Variants in RANBP2 observed in about 807,000 individuals in gnomAD.
RANBP2 encodes the protein RAN binding protein 2.
Under a neutral mutation model 303.6 loss-of-function variants are expected in RANBP2, and 57 were observed. The observed-to-expected ratio is 0.19, with a 90% CI of 0.15 to 0.23. The LOEUF (loss-of-function observed/expected upper bound fraction) is 0.23. Ranked by LOEUF, RANBP2 falls within the 10% of genes least tolerant of loss-of-function variation. The pLI is 1.00. For synonymous variants in RANBP2, 1,167 were observed against 1,301.5 expected (o/e 0.90, Z 2.23); for missense variants, 3,138 against 3,780.8 (o/e 0.83, Z 4.46).
chr2:109,388,447 C>T, the RANBP2 span, among the ~76,000 whole-genome samples: 6 of 152,194 alleles, frequency 3.9e-5, no homozygotes, highest in Non-Finnish European at 8.8e-5. Flanking sequence ...GAGGCTTGGA[C>T]TCATGCAAGA....
the RANBP2 span, among the ~76,000 whole-genome samples, chr2:109,384,744 C>A: frequency 1.3e-5 from 2 of 152,070 alleles, no homozygotes; most frequent in African/African-American, 2.4e-5. Context: ...GTGGAGGGAG[C>A]CTTCTAGACT....
the RANBP2 span, among the ~76,000 whole-genome samples, chr2:108,858,521 CTT>C: frequency 6.6e-6 from 1 of 152,122 alleles, no homozygotes; most frequent in Non-Finnish European, 1.5e-5. Context: ...AGAGCATTTA[CTT>C]GCTTGAATTT....
chr2:108,891,350 T>C, the RANBP2 span, among the ~76,000 whole-genome samples: 1 of 152,218 alleles, frequency 6.6e-6, no homozygotes. Flanking sequence ...AAGATATATC[T>C]ATGGTTTTGG....
At chr2:109,716,148 G>A in the RANBP2 span, among the ~76,000 whole-genome samples, 1 of 152,158 alleles carries the variant, frequency 6.6e-6, no homozygotes, top group African/African-American at 2.4e-5. Flanking sequence ...ACAAGAGAAA[G>A]GGAGTAGGTA....
chr2:109,259,843 T>G, the RANBP2 span, among the ~76,000 whole-genome samples: 2 of 152,272 alleles, frequency 1.3e-5, no homozygotes, highest in South Asian at 2.1e-4. Flanking sequence ...GAGCATCTGG[T>G]GTTTGGACAG....
At chr2:109,690,700 C>A in the RANBP2 span, among the ~76,000 whole-genome samples, 4 of 151,606 alleles carry the variant, frequency 2.6e-5, no homozygotes, top group Non-Finnish European at 5.9e-5. Context: ...GCCGGCCTTC[C>A]AGACGTTCAC....
At chr2:108,820,474 T>C in the RANBP2 span, among the ~76,000 whole-genome samples, 1 of 151,996 alleles carries the variant, frequency 6.6e-6, no homozygotes, top group African/African-American at 2.4e-5. Context: ...GAAATAGGCA[T>C]ACAAGTTCAA....
chr2:109,031,843 C>G, the RANBP2 span, among the ~76,000 whole-genome samples: 1 of 152,164 alleles, frequency 6.6e-6, no homozygotes, highest in Non-Finnish European at 1.5e-5. Flanking sequence ...TCTTCAGCAA[C>G]TAAGCTTTTC....
the RANBP2 span, among the ~76,000 whole-genome samples, chr2:109,172,964 G>A: frequency 6.6e-6 from 1 of 152,252 alleles, no homozygotes; most frequent in Non-Finnish European, 1.5e-5. Flanking sequence ...AACACACTGA[G>A]TGTCATGTAT....
the RANBP2 span, among the ~76,000 whole-genome samples, chr2:108,993,206 A>C: frequency 6.6e-6 from 1 of 152,166 alleles, no homozygotes; most frequent in African/African-American, 2.4e-5. Flanking sequence ...CGAAGGAAGA[A>C]GGCAGTCCTG....
the RANBP2 span, among the ~76,000 whole-genome samples, chr2:109,488,187 G>T: frequency 1.3e-5 from 2 of 152,132 alleles, no homozygotes; most frequent in African/African-American, 4.8e-5. Flanking sequence ...GTGACCTAGG[G>T]ATCCCAGCCT....
the RANBP2 span, among the ~76,000 whole-genome samples, chr2:108,974,556 C>T: frequency 0.44 from 66,082 of 151,004 alleles, 17,867 homozygotes; most frequent in South Asian, 0.66. Context: ...ATGATGAAAC[C>T]CCATCTCTAC....
the RANBP2 span, among the ~76,000 whole-genome samples, chr2:109,005,927 G>C: frequency 6.6e-6 from 1 of 152,216 alleles, no homozygotes; most frequent in Non-Finnish European, 1.5e-5. Context: ...CAGGGCTTCG[G>C]AGTCGTGGAG....
chr2:109,574,697 G>A, the RANBP2 span: 20 of 1,608,268 alleles, frequency 1.2e-5, no homozygotes, highest in South Asian at 5.6e-5. Context: ...AAGAGAGAAC[G>A]CTTAATCTTC....
the RANBP2 span, among the ~76,000 whole-genome samples, chr2:109,180,188 C>A: frequency 1.3e-5 from 2 of 151,992 alleles, no homozygotes; most frequent in Admixed American, 1.3e-4. Context: ...CCCTCTCTAC[C>A]TGTGCTGCCA....
the RANBP2 span, among the ~76,000 whole-genome samples, chr2:109,575,875 A>G: frequency 1.3e-5 from 2 of 152,202 alleles, no homozygotes; most frequent in African/African-American, 4.8e-5. Flanking sequence ...ACCTCTTTTA[A>G]AATTATAGAA....
intron 1 of RANBP2, among the ~76,000 whole-genome samples, chr2:108,728,593 TTTATGA>T (rs1273217425): frequency 6.8e-5 from 7 of 102,490 alleles, no homozygotes; most frequent in African/African-American, 1.0e-4. Flanking sequence ...ACCCAGCTTA[TTTATGA>T]TGATGATGAT....
At chr2:109,492,468 CA>C in the RANBP2 span, among the ~76,000 whole-genome samples, 1 of 152,268 alleles carries the variant, frequency 6.6e-6, no homozygotes, top group South Asian at 2.1e-4. Flanking sequence ...GTGTTCTGCA[CA>C]GGGGTGACGT....
the RANBP2 span, among the ~76,000 whole-genome samples, chr2:109,342,758 C>T: frequency 1.7e-3 from 252 of 152,230 alleles, no homozygotes; most frequent in African/African-American, 5.5e-3. Flanking sequence ...CCGGAGATGG[C>T]GCCGTTGTGC....
Sources: gnomAD v4.1 joint callset for allele counts (sites outside exome capture counted in the v4.1 genomes callset) on GRCh38, gnomAD v4.1.1 for gene constraint, MANE v1.5 for transcripts, NCBI Gene and HGNC (gene_info 2026-07-23, HGNC 2026-07-21) for gene names.